Variants in GALNTL6 observed in about 807,000 individuals in gnomAD.
The protein encoded by GALNTL6 is polypeptide N-acetylgalactosaminyltransferase like 6.
In GALNTL6, 46 loss-of-function variants were observed where a neutral mutation model predicts 73.7. The ratio of observed to expected loss-of-function variants is 0.62; its 90% CI spans 0.49 to 0.80. GALNTL6 has a LOEUF of 0.80. GALNTL6 is among the 30% of genes least tolerant of loss of function. The probability of loss-of-function intolerance (pLI) is 0.00; values close to 1 mark genes in which losing one functional copy is unlikely to be tolerated. For missense variants in GALNTL6, 604 were observed against 755.0 expected, an observed-to-expected ratio of 0.80 and a Z score of 2.34; for synonymous variants, 259 against 263.7, an observed-to-expected ratio of 0.98 and a Z score of 0.17.
At chr4:172,911,202 C>T (rs1384599350) in intron 8 of GALNTL6, among the ~76,000 whole-genome samples, 6 of 152,348 alleles carry the variant, frequency 3.9e-5, no homozygotes, top group Non-Finnish European at 2.9e-5. Context: ...AACTCAATCT[C>T]ATTTTACGAT....
intron 5 of GALNTL6, among the ~76,000 whole-genome samples, chr4:172,619,868 A>G (rs1272655599): frequency 6.6e-6 from 1 of 152,192 alleles, no homozygotes; most frequent in African/African-American, 2.4e-5. Flanking sequence ...TGCATATGTC[A>G]GAAGAAATCT....
At chr4:171,986,073 G>A (rs559151958) in intron 2 of GALNTL6, among the ~76,000 whole-genome samples, 80 of 145,544 alleles carry the variant, frequency 5.5e-4, no homozygotes, top group Non-Finnish European at 1.1e-3. Context: ...CTGTCCAATT[G>A]GAAAATTGGT....
rs760911328 is a variant in GALNTL6 at position 172,813,600 on chromosome 4, A to G, written c.800A>G (p.Asn267Ser). 9.3e-6 allele frequency: 15 copies of G among 1,613,060 alleles called. No homozygotes were observed. Among genetic ancestry groups the G allele is most frequent in the African/African-American group, 2.7e-5 (2 of 74,876 alleles). The stretch of plus-strand genomic sequence containing the variant: ...CCCATGATCGATGTCATTGACCACA[A>G]TCACTTCGGGTATGAGGCACAAGCT... ...VCPMIDVIDH[N>S]HFGYEAQAGD... The change falls in exon 7 of 13, where the codon AAT becomes AGT. Residue 267 changes from asparagine (N) to serine (S), a missense_variant. Asn to Ser is a conservative substitution (Grantham distance 46). Coordinates refer to ENST00000506823, the MANE Select transcript of GALNTL6 (RefSeq NM_001034845.3).
intron 12 of GALNTL6, among the ~76,000 whole-genome samples, chr4:173,030,516 C>T (rs191950516): frequency 5.7e-4 from 86 of 152,176 alleles, no homozygotes; most frequent in Admixed American, 1.4e-3. Context: ...GAACGCCTGC[C>T]CAGATCTAGA....
chr4:172,819,934 C>G (rs540735654), intron 7 of GALNTL6, among the ~76,000 whole-genome samples: 75 of 152,178 alleles, frequency 4.9e-4, no homozygotes, highest in Non-Finnish European at 1.0e-3. Flanking sequence ...CCCTAAAACA[C>G]GACAATGCAG....
chr4:172,617,237 A>T (rs1738775300), intron 5 of GALNTL6, among the ~76,000 whole-genome samples: 1 of 152,004 alleles, frequency 6.6e-6, no homozygotes, highest in African/African-American at 2.4e-5. Flanking sequence ...TATGGTGCAT[A>T]TTTTTAAAAA....
At chr4:172,075,427 T>C (rs1019725834) in intron 2 of GALNTL6, among the ~76,000 whole-genome samples, 7 of 152,040 alleles carry the variant, frequency 4.6e-5, no homozygotes, top group Non-Finnish European at 1.0e-4. Context: ...CTCTGCCTCC[T>C]GGGTTTACGC....
chr4:172,466,418 T>A (rs557828199), intron 5 of GALNTL6, among the ~76,000 whole-genome samples: 5 of 152,208 alleles, frequency 3.3e-5, no homozygotes, highest in Non-Finnish European at 7.3e-5. Flanking sequence ...ATAAATTTTT[T>A]TATTTATTTT....
chr4:172,552,851 A>AAAAAAAC (rs1049536324), intron 5 of GALNTL6, among the ~76,000 whole-genome samples: 2 of 150,480 alleles, frequency 1.3e-5, no homozygotes, highest in Non-Finnish European at 3.0e-5. Flanking sequence ...AAAAAAAAAA[A>AAAAAAAC]AAAAAAGGTA....
intron 2 of GALNTL6, among the ~76,000 whole-genome samples, chr4:171,898,094 A>G (rs1191256156): frequency 6.6e-6 from 1 of 152,116 alleles, no homozygotes; most frequent in Non-Finnish European, 1.5e-5. Context: ...TTGACAAAAG[A>G]TATATGAAAG....
intron 7 of GALNTL6, among the ~76,000 whole-genome samples, chr4:172,870,051 T>C (rs892183790): frequency 7.3e-6 from 1 of 136,110 alleles, no homozygotes; most frequent in East Asian, 2.2e-4. Flanking sequence ...TGACCTTTAC[T>C]GTCATCATCA....
chr4:172,522,369 A>T (rs1734803858), intron 5 of GALNTL6, among the ~76,000 whole-genome samples: 1 of 152,176 alleles, frequency 6.6e-6, no homozygotes, highest in African/African-American at 2.4e-5. Flanking sequence ...TCTGGTTACC[A>T]GCGATAAAAA....
chr4:172,267,628 A>G (rs1455405427), intron 3 of GALNTL6, among the ~76,000 whole-genome samples: 5 of 152,052 alleles, frequency 3.3e-5, no homozygotes, highest in Non-Finnish European at 5.9e-5. Flanking sequence ...TTAACAAATG[A>G]AAAAAAATTT....
At chr4:171,949,337 A>G (rs1002972596) in intron 2 of GALNTL6, among the ~76,000 whole-genome samples, 1 of 152,138 alleles carries the variant, frequency 6.6e-6, no homozygotes, top group South Asian at 2.1e-4. Flanking sequence ...GTCCCCAAGT[A>G]CTCACTTTAG....
intron 10 of GALNTL6, among the ~76,000 whole-genome samples, chr4:172,982,112 TAA>T (rs1751093357): frequency 6.6e-6 from 1 of 152,180 alleles, no homozygotes; most frequent in South Asian, 2.1e-4. Context: ...TTAACAATAT[TAA>T]GTCTTTTGAT....
intron 2 of GALNTL6, among the ~76,000 whole-genome samples, chr4:171,931,605 T>C (rs1738187442): frequency 6.6e-6 from 1 of 152,230 alleles, no homozygotes; most frequent in South Asian, 2.1e-4. Flanking sequence ...CAGATTAGTA[T>C]TAAAACCAAG....
chr4:172,497,305 G>A (rs1386637039), intron 5 of GALNTL6, among the ~76,000 whole-genome samples: 1 of 152,186 alleles, frequency 6.6e-6, no homozygotes, highest in African/African-American at 2.4e-5. Flanking sequence ...TCCTGAAACT[G>A]CATAATGATT....
At chr4:171,822,434 C>T (rs981420477) in intron 2 of GALNTL6, among the ~76,000 whole-genome samples, 1 of 152,102 alleles carries the variant, frequency 6.6e-6, no homozygotes, top group Non-Finnish European at 1.5e-5. Context: ...AACCTCAGTT[C>T]CACACGTGGA....
intron 5 of GALNTL6, among the ~76,000 whole-genome samples, chr4:172,563,919 T>C (rs1441955856): frequency 2.0e-5 from 3 of 152,198 alleles, no homozygotes; most frequent in African/African-American, 7.2e-5. Context: ...AGAGAGATGA[T>C]AAAAAGCAGA....
Sources: allele counts gnomAD v4.1 joint callset (sites outside exome capture counted in the v4.1 genomes callset), GRCh38; gene constraint gnomAD v4.1.1; transcripts MANE v1.5; gene names NCBI Gene and HGNC (gene_info 2026-07-23, HGNC 2026-07-21).